Variants in NKAIN2 observed in about 807,000 individuals in gnomAD.
The protein encoded by NKAIN2 is sodium/potassium transporting ATPase interacting 2, also known as sodium/potassium-transporting ATPase subunit beta-1-interacting protein 2.
A neutral mutation model predicts 32.6 loss-of-function variants in NKAIN2; 14 were observed. The observed-to-expected ratio is 0.43, with a 90% confidence interval of 0.28 to 0.67. NKAIN2 has a LOEUF of 0.67. Among genes scored for constraint, NKAIN2 ranks in the 30% least tolerant of loss-of-function variants. The probability of loss-of-function intolerance (pLI) is 0.17; values close to 1 mark genes in which losing one functional copy is unlikely to be tolerated. For synonymous variants in NKAIN2, 80 were observed against 87.2 expected (o/e 0.92, Z 0.46); for missense variants, 198 against 258.3 (o/e 0.77, Z 1.60).
Position 124,250,541 on chromosome 6 carries a change from AG to A in NKAIN2, c.55-32463del, listed in dbSNP as rs1343674469. 5.9e-5 allele frequency among the ~76,000 whole-genome samples: 9 copies of A among 152,200 alleles called. No homozygotes were observed. In the East Asian group the frequency reaches 1.7e-3, roughly 29 times the overall value. Reference sequence around the variant, plus strand: ...AATGAAAACAATAAGACCGTAAAATAGTACCTTCAATCTACTAAAAGATAAC... The same window carrying A: ...AATGAAAACAATAAGACCGTAAAATATACCTTCAATCTACTAAAAGATAAC... On this transcript the variant is annotated intron_variant, in intron 1 of 6. Coordinates refer to ENST00000368417, the MANE Select transcript of NKAIN2 (RefSeq NM_001040214.3).
At chr6:123,887,884 G>C (rs1243008749) in intron 1 of NKAIN2, among the ~76,000 whole-genome samples, 2 of 151,988 alleles carry the variant, frequency 1.3e-5, no homozygotes, top group African/African-American at 4.8e-5. Context: ...TCATTTTCTT[G>C]GTTCACATTA....
intron 1 of NKAIN2, among the ~76,000 whole-genome samples, chr6:124,197,852 T>A (rs1476891680): frequency 6.5e-4 from 98 of 151,260 alleles, no homozygotes; most frequent in African/African-American, 1.8e-3. Context: ...TTTTTTTTTT[T>A]TTTTTCATGA....
chr6:124,452,974 T>A (rs1022161648), intron 3 of NKAIN2, among the ~76,000 whole-genome samples: 1 of 152,070 alleles, frequency 6.6e-6, no homozygotes, highest in African/African-American at 2.4e-5. Context: ...TTCATTAGAA[T>A]GAATATAAAG....
intron 3 of NKAIN2, among the ~76,000 whole-genome samples, chr6:124,387,879 A>T: frequency 6.6e-6 from 1 of 152,096 alleles, no homozygotes; most frequent in East Asian, 1.9e-4. Context: ...ATAATTTAAA[A>T]GGCAAATGGA....
chr6:123,892,622 A>C (rs997220764), intron 1 of NKAIN2, among the ~76,000 whole-genome samples: 1 of 151,988 alleles, frequency 6.6e-6, no homozygotes, highest in Non-Finnish European at 1.5e-5. Flanking sequence ...CGTATCAATG[A>C]CTATCAGGTT....
At chr6:123,860,493 C>G (rs939127838) in intron 1 of NKAIN2, among the ~76,000 whole-genome samples, 2 of 152,126 alleles carry the variant, frequency 1.3e-5, no homozygotes, top group Non-Finnish European at 2.9e-5. Flanking sequence ...TCACTGCAGT[C>G]TCAACCTCCT....
At chr6:123,910,664 C>T (rs1426129789) in intron 1 of NKAIN2, among the ~76,000 whole-genome samples, 1 of 151,756 alleles carries the variant, frequency 6.6e-6, no homozygotes, top group African/African-American at 2.4e-5. Flanking sequence ...CACAACCATG[C>T]CCAGCTAATT....
At chr6:124,175,112 A>G (rs566465279) in intron 1 of NKAIN2, among the ~76,000 whole-genome samples, 185 of 152,278 alleles carry the variant, frequency 1.2e-3, no homozygotes, top group Non-Finnish European at 1.2e-3. Flanking sequence ...TTGGGTTATC[A>G]AAAGGTGGGT....
At chr6:124,455,792 G>A (rs1486358931) in intron 3 of NKAIN2, among the ~76,000 whole-genome samples, 2 of 151,824 alleles carry the variant, frequency 1.3e-5, no homozygotes, top group Admixed American at 6.6e-5. Flanking sequence ...ATATATAAGT[G>A]TAATATAAAT....
chr6:124,195,292 A>G (rs1321031538), intron 1 of NKAIN2, among the ~76,000 whole-genome samples: 1 of 148,800 alleles, frequency 6.7e-6, no homozygotes, highest in Non-Finnish European at 1.5e-5. Flanking sequence ...CATAGAATGT[A>G]TTTATTTTAA....
Position 123,923,133 on chromosome 6 carries a change from C to CAA in NKAIN2, c.54+118886_54+118887dup, listed in dbSNP as rs112831094. 1.6e-3 allele frequency among the ~76,000 whole-genome samples: 137 copies of CAA among 86,678 alleles called. 1 individual carries two copies. Among genetic ancestry groups the CAA allele is most frequent in the Middle Eastern group, 5.4e-3 (1 of 184 alleles). The allele number at this position is 86,678 out of a possible 152,430, so 56.9% of individuals were successfully genotyped here. A position where few individuals can be genotyped will look rare whatever the true frequency, so the allele number is the denominator to read the frequency against. On this transcript the variant is annotated intron_variant, in intron 1 of 6. Coordinates refer to ENST00000368417, the MANE Select transcript of NKAIN2 (RefSeq NM_001040214.3). ...TTTTTCAAGGGATTACCAAAAAAAACAAAAAAAAGACAAAAAAAACCCACA... is the reference window on the plus strand; with the variant it reads ...TTTTTCAAGGGATTACCAAAAAAAACAAAAAAAAAAGACAAAAAAAACCCACA...
chr6:123,995,387 CA>C (rs1433114416), intron 1 of NKAIN2, among the ~76,000 whole-genome samples: 3 of 152,110 alleles, frequency 2.0e-5, no homozygotes, highest in Non-Finnish European at 4.4e-5. Flanking sequence ...GATAAACTTG[CA>C]CATGCTTTAA....
chr6:123,861,759 G>C (rs554010315), intron 1 of NKAIN2, among the ~76,000 whole-genome samples: 1 of 152,072 alleles, frequency 6.6e-6, no homozygotes, highest in South Asian at 2.1e-4. Flanking sequence ...TTTTTTCCTA[G>C]ATTGTCCTCT....
rs374276696 is a variant in NKAIN2, at chr6:123,839,749, T to G, written c.54+35495T>G. Among the ~76,000 whole-genome samples the G allele has an allele frequency of 1.8e-3, 272 of 152,284 alleles. 1 individual carries two copies. The highest frequency in any genetic ancestry group is 6.3e-3 in the African/African-American group (260 of 41,576). On this transcript the variant is annotated intron_variant, in intron 1 of 6. Transcript: ENST00000368417. ...ATGTTATTTCCAGTCTCCTTTTTGA[T>G]TCATGGGTATTTATCTAGGGATTAT...
Position 124,078,019 on chromosome 6 carries a change from T to G in NKAIN2, c.55-204986T>G, listed in dbSNP as rs370664921. On this transcript the variant is annotated intron_variant, in intron 1 of 6. Coordinates refer to ENST00000368417, the MANE Select transcript of NKAIN2 (RefSeq NM_001040214.3). Reference sequence around the variant, plus strand: ...CTTTTATTTTGCATTCTACTCCACATGACAATGAATTGTATTTTTGCCTCA... The same window carrying G: ...CTTTTATTTTGCATTCTACTCCACAGGACAATGAATTGTATTTTTGCCTCA... Among the ~76,000 whole-genome samples, 8 of 152,336 alleles carry G rather than the reference T, an allele frequency of 5.3e-5. No individual in the cohort carries two copies. In the South Asian group the frequency reaches 1.0e-3, roughly 20 times the overall value.
At chr6:124,406,961 T>C (rs9388332) in intron 3 of NKAIN2, among the ~76,000 whole-genome samples, 61,780 of 151,768 alleles carry the variant, frequency 0.41, 14,105 homozygotes, top group South Asian at 0.6. Context: ...ATTTTATGTA[T>C]ATTCGATACA....
chr6:124,111,367 A>G (rs946363837), intron 1 of NKAIN2, among the ~76,000 whole-genome samples: 2 of 151,950 alleles, frequency 1.3e-5, no homozygotes, highest in South Asian at 2.1e-4. Flanking sequence ...TGTTTGCTTT[A>G]TATATCGAGG....
intron 1 of NKAIN2, among the ~76,000 whole-genome samples, chr6:124,245,927 T>A (rs1309354393): frequency 6.6e-6 from 1 of 152,144 alleles, no homozygotes; most frequent in Non-Finnish European, 1.5e-5. Context: ...GCTTACTGAA[T>A]GTTAACTATT....
At chr6:124,274,377 C>G (rs1794933529) in intron 1 of NKAIN2, among the ~76,000 whole-genome samples, 2 of 152,088 alleles carry the variant, frequency 1.3e-5, no homozygotes. Context: ...ATTAGTGTGT[C>G]TTTTCAAACT....
Sources: gnomAD v4.1 joint callset for allele counts (sites outside exome capture counted in the v4.1 genomes callset) on GRCh38, gnomAD v4.1.1 for gene constraint, MANE v1.5 for transcripts, NCBI Gene and HGNC (gene_info 2026-07-23, HGNC 2026-07-21) for gene names.